ZNF248: variants seen among roughly 807,000 people sequenced by gnomAD.
ZNF248 encodes zinc finger protein 248.
Under a neutral mutation model 44.3 loss-of-function variants are expected in ZNF248, and 20 were observed. The ratio of observed to expected loss-of-function variants is 0.45; its 90% CI spans 0.32 to 0.66. ZNF248 has a LOEUF of 0.66. ZNF248 is among the 30% of genes least tolerant of loss of function. The pLI is 0.04. For synonymous variants in ZNF248, 224 were observed against 229.0 expected (o/e 0.98, Z 0.20); for missense variants, 654 against 677.0 (o/e 0.97, Z 0.38).
chr10:37,843,051 C>T (rs1029679859), intron 3 of ZNF248, among the ~76,000 whole-genome samples: 3 of 152,102 alleles, frequency 2.0e-5, no homozygotes, highest in Admixed American at 6.6e-5. Context: ...GTCTTTATCA[C>T]CAGGGATTCA....
intron 6 of ZNF248, among the ~76,000 whole-genome samples, chr10:37,786,909 T>C (rs1208776): frequency 0.06 from 9,122 of 152,288 alleles, 351 homozygotes; most frequent in Middle Eastern, 0.095. Flanking sequence ...GTAGCTCATG[T>C]TTTAGGTGTC....
chr10:37,822,850 G>A (rs1357890071), intron 6 of ZNF248, among the ~76,000 whole-genome samples: 1 of 152,124 alleles, frequency 6.6e-6, no homozygotes, highest in Non-Finnish European at 1.5e-5. Context: ...GCAACAGGCA[G>A]CCCATGGGCC....
chr10:37,795,872 T>C (rs1311237904), intron 6 of ZNF248: 1 of 152,200 alleles, frequency 6.6e-6, no homozygotes, highest in Non-Finnish European at 1.5e-5. Flanking sequence ...CTTTTTATGA[T>C]TAATCATTAT....
intron 6 of ZNF248, among the ~76,000 whole-genome samples, chr10:37,810,324 A>G (rs1310994837): frequency 6.6e-6 from 1 of 152,194 alleles, no homozygotes; most frequent in Non-Finnish European, 1.5e-5. Flanking sequence ...TAGTTCTGTC[A>G]ATTTTCACTT....
intron 5 of ZNF248, 108 bp from the exon 6 acceptor site, chr10:37,833,224 TCA>T: frequency 2.1e-6 from 3 of 1,432,078 alleles, no homozygotes; most frequent in Non-Finnish European, 1.8e-6. Flanking sequence ...TGTTTTAAAT[TCA>T]GTTTCCTGGT....
intron 3 of ZNF248, among the ~76,000 whole-genome samples, chr10:37,846,017 C>T (rs1361639185): frequency 6.6e-6 from 1 of 152,176 alleles, no homozygotes; most frequent in Non-Finnish European, 1.5e-5. Flanking sequence ...TCTTCATGTA[C>T]TGATGTATGA....
the ZNF248 span, among the ~76,000 whole-genome samples, chr10:37,765,848 C>T: frequency 6.6e-6 from 1 of 152,226 alleles, no homozygotes; most frequent in Non-Finnish European, 1.5e-5. Context: ...CAGGGAGTTC[C>T]CTTTCCTAGT....
chr10:37,811,169 G>C (rs1247275860), intron 6 of ZNF248, among the ~76,000 whole-genome samples: 1 of 152,214 alleles, frequency 6.6e-6, no homozygotes, highest in Non-Finnish European at 1.5e-5. Flanking sequence ...ATGTACTTTA[G>C]ATTGAGGTGT....
In ZNF248 at chr10:37,832,228, C is replaced by T. The variant is rs1386329547; in HGVS notation, c.1127G>A (p.Gly376Glu). The change falls in exon 6 of 6, where the codon GGA (glycine) becomes GAA (glutamate). Residue 376 changes from glycine (G) to glutamate (E), a missense_variant. Physicochemically the swap from Gly to Glu is moderately conservative, Grantham distance 98 (BLOSUM62 -2). Transcript: ENST00000395867. ...TTCACCACATTCAAAGGTTTTTTCT[C>T]CTGTGTGAGCTCTCCGAAGCTGGGT... Reference protein sequence around the residue: ...HLTQLRRAHTGEKTFECGECG... With the variant: ...HLTQLRRAHTEEKTFECGECG... The T allele has an allele frequency of 6.2e-7, 1 of 1,613,998 alleles. No individual in the cohort carries two copies.
At chr10:37,780,395 G>C (rs556548368) in intron 6 of ZNF248, among the ~76,000 whole-genome samples, 2 of 152,326 alleles carry the variant, frequency 1.3e-5, no homozygotes, top group South Asian at 2.1e-4. Flanking sequence ...TGACAAACCT[G>C]AGAAAAAGAA....
rs1324352689 is a variant in ZNF248 at position 37,832,655 on chromosome 10, T to C, written c.700A>G (p.Arg234Gly). Residue 234 changes from arginine (R) to glycine (G), a missense_variant, in exon 6 of 6, where the codon AGA becomes GGA. Physicochemically the swap from Arg to Gly is moderately radical, Grantham distance 125 (BLOSUM62 -2). Coordinates refer to ENST00000395867, the MANE Select transcript of ZNF248 (RefSeq NM_021045.3). ...CAGACTGTCTCTCCTATCTGAGATC[T>C]CTTATTTGTAAAAAATGCTGCCTCA... is the stretch of plus-strand genomic sequence containing the variant. ...HDEAAFFTNK[R>G]SQIGETVCKY... is the part of the protein sequence containing the mutation. 2 of 1,613,262 alleles carry C rather than the reference T, an allele frequency of 1.2e-6. No individual in the cohort carries two copies. Among genetic ancestry groups the C allele is most frequent in the Non-Finnish European group, 8.5e-7 (1 of 1,179,894 alleles).
chr10:37,833,773 G>C (rs772919076), intron 5 of ZNF248, among the ~76,000 whole-genome samples: 69 of 152,064 alleles, frequency 4.5e-4, no homozygotes, highest in Non-Finnish European at 8.7e-4. Flanking sequence ...AAGCATACTA[G>C]GGAAGGTGAA....
chr10:37,830,620 G>A lies in ZNF248; in HGVS notation c.*995C>T, dbSNP rs1462627663. On this transcript the variant is annotated 3_prime_UTR_variant, in exon 6 of 6. Coordinates refer to ENST00000395867, the MANE Select transcript of ZNF248 (RefSeq NM_021045.3). Reference sequence around the variant, plus strand: ...CGTTTTCATATATACACAGTGATGTGCTGTAAATATTTGACAGCAGGTTCT... The same window carrying A: ...CGTTTTCATATATACACAGTGATGTACTGTAAATATTTGACAGCAGGTTCT... The A allele has an allele frequency of 5.1e-6, 5 of 984,328 alleles. No individual in the cohort carries two copies. The African/African-American group carries it at 7.0e-5, about 14-fold the overall frequency. 61.0% of individuals were successfully genotyped at this position (984,328 alleles called of 1,614,324 possible). A position where few individuals can be genotyped will look rare whatever the true frequency, so the allele number is the denominator to read the frequency against.
intron 3 of ZNF248, 128 bp downstream of exon 3, chr10:37,856,168 C>T: frequency 9.4e-7 from 1 of 1,064,280 alleles, no homozygotes; most frequent in Non-Finnish European, 1.4e-6. Flanking sequence ...GGATTTGCTA[C>T]TTCAGTTTTA....
At chr10:37,797,608 C>T (rs985050877) in intron 6 of ZNF248, among the ~76,000 whole-genome samples, 4 of 151,998 alleles carry the variant, frequency 2.6e-5, no homozygotes, top group Non-Finnish European at 5.9e-5. Context: ...TATATCCCAA[C>T]AACAAAAAGA....
rs111563150 is a variant in ZNF248, at chr10:37,780,211, A to G, written c.331-3636T>C. On this transcript the variant is annotated intron_variant, in intron 6 of 6. Coordinates refer to the ZNF248 transcript ENST00000615949. ...AAAAAGGAGCCCGCATCGCCAAGTC[A>G]ATCCTAAGCCAAAAGAACAAAGCTG... 1.5e-3 allele frequency among the ~76,000 whole-genome samples: 226 copies of G among 152,086 alleles called. 1 individual carries two copies. Among genetic ancestry groups the G allele is most frequent in the Middle Eastern group, 6.8e-3 (2 of 294 alleles).
At chr10:37,823,050 C>T (rs2053727294) in intron 6 of ZNF248, among the ~76,000 whole-genome samples, 1 of 151,978 alleles carries the variant, frequency 6.6e-6, no homozygotes, top group African/African-American at 2.4e-5. Flanking sequence ...AAAATGCAAA[C>T]AGTGGCTGGG....
At chr10:37,854,084 T>C (rs921579270) in intron 3 of ZNF248, among the ~76,000 whole-genome samples, 3 of 152,218 alleles carry the variant, frequency 2.0e-5, no homozygotes, top group Non-Finnish European at 4.4e-5. Flanking sequence ...ATTAAGTTTC[T>C]ACATACAAGT....
intron 3 of ZNF248, among the ~76,000 whole-genome samples, chr10:37,846,901 AAAGAT>A (rs1396434991): frequency 2.6e-5 from 4 of 152,268 alleles, no homozygotes; most frequent in Admixed American, 2.0e-4. Flanking sequence ...ACAAAGTCTT[AAAGAT>A]AAAAGACATT....
Sources: gnomAD v4.1 joint callset for allele counts (sites outside exome capture counted in the v4.1 genomes callset) on GRCh38, gnomAD v4.1.1 for gene constraint, MANE v1.5 for transcripts, NCBI Gene and HGNC (gene_info 2026-07-23, HGNC 2026-07-21) for gene names.